FHIP1A: variants seen among roughly 807,000 people sequenced by gnomAD.
FHIP1A encodes FHF complex subunit HOOK-interacting protein 1A.
FHIP1A carries 61 observed loss-of-function variants against 88.6 expected under a neutral mutation model. That is an observed-to-expected ratio of 0.69 (90% CI 0.56 to 0.85). FHIP1A has a LOEUF of 0.85. FHIP1A is among the 40% of genes least tolerant of loss of function. The probability of loss-of-function intolerance (pLI) is 0.00; values close to 1 mark genes in which losing one functional copy is unlikely to be tolerated. For synonymous variants in FHIP1A, 478 were observed against 496.0 expected (o/e 0.96, Z 0.48); for missense variants, 1,154 against 1,273.5 (o/e 0.91, Z 1.43).
chr4:151,587,655 A>G (rs1412233134), intron 6 of FHIP1A, among the ~76,000 whole-genome samples: 1 of 151,982 alleles, frequency 6.6e-6, no homozygotes, highest in Non-Finnish European at 1.5e-5. Flanking sequence ...CTCCTAAGAA[A>G]TCAAGTTTTC....
intron 3 of FHIP1A, among the ~76,000 whole-genome samples, chr4:151,485,842 G>A (rs987936152): frequency 1.3e-5 from 2 of 152,112 alleles, no homozygotes; most frequent in Non-Finnish European, 2.9e-5. Flanking sequence ...GCCCGCCTTA[G>A]CCTCCCAAAG....
rs186930965 is a variant in FHIP1A at position 151,471,299 on chromosome 4, T to A, written c.-247-11225T>A. Among the ~76,000 whole-genome samples, 53 of 140,968 alleles carry A rather than the reference T, an allele frequency of 3.8e-4. No individual in the cohort carries two copies. In the East Asian group the frequency reaches 6.7e-3, roughly 18 times the overall value. 92.5% of individuals were successfully genotyped at this position (140,968 alleles called of 152,430 possible). A position where few individuals can be genotyped will look rare whatever the true frequency, so the allele number is the denominator to read the frequency against. ...TGGAATTGTTCCTTTTTTTTTTTTTTAAACTTTAGCGTATTTTTTCCAATA... is the reference window on the plus strand; with the variant it reads ...TGGAATTGTTCCTTTTTTTTTTTTTAAAACTTTAGCGTATTTTTTCCAATA... On this transcript the variant is annotated intron_variant, in intron 2 of 13. Coordinates refer to ENST00000435205, the MANE Select transcript of FHIP1A (RefSeq NM_001109977.3).
chr4:151,432,956 C>A (rs1733650491), intron 1 of FHIP1A, among the ~76,000 whole-genome samples: 1 of 151,990 alleles, frequency 6.6e-6, no homozygotes, highest in Non-Finnish European at 1.5e-5. Context: ...TAAACCTGGT[C>A]TTTTAACATG....
chr4:151,576,851 T>C (rs928644911), intron 4 of FHIP1A: 1 of 152,330 alleles, frequency 6.6e-6, no homozygotes, highest in African/African-American at 2.4e-5. Context: ...GGCATATGAG[T>C]AGCTGTGTTC....
chr4:151,521,950 T>C (rs1731461921), intron 3 of FHIP1A, among the ~76,000 whole-genome samples: 2 of 152,066 alleles, frequency 1.3e-5, no homozygotes. Context: ...GGTCTCAAAC[T>C]CCTAGGCTCA....
intron 8 of FHIP1A, among the ~76,000 whole-genome samples, chr4:151,637,599 G>A (rs1736401737): frequency 1.3e-5 from 2 of 152,156 alleles, no homozygotes; most frequent in South Asian, 4.1e-4. Context: ...GCTGGGGAAA[G>A]GAAGTGTTGG....
intron 1 of FHIP1A, among the ~76,000 whole-genome samples, chr4:151,427,307 TTTC>T (rs1056112519): frequency 1.5e-4 from 23 of 152,296 alleles, no homozygotes; most frequent in African/African-American, 5.1e-4. Context: ...ATTGAGTTTG[TTTC>T]TTTCCAAATC....
Position 151,663,043 on chromosome 4 carries a change from T to A in FHIP1A, c.*289T>A, listed in dbSNP as rs1737532712. The A allele has an allele frequency of 3.7e-6, 1 of 271,516 alleles. No individual in the cohort carries two copies. Among genetic ancestry groups the A allele is most frequent in the Non-Finnish European group, 6.8e-6 (1 of 146,236 alleles). 16.8% of individuals were successfully genotyped at this position (271,516 alleles called of 1,614,324 possible). The stretch of plus-strand genomic sequence containing the variant: ...TTTGGTTGTCATTCTCCTATCCCTT[T>A]GAGTTACTCTTCTTGCAGCTCAGAT... On this transcript the variant is annotated 3_prime_UTR_variant, in exon 14 of 14. Transcript: ENST00000435205.
intron 7 of FHIP1A, among the ~76,000 whole-genome samples, chr4:151,627,592 A>G (rs1736000312): frequency 6.6e-6 from 1 of 152,240 alleles, no homozygotes; most frequent in African/African-American, 2.4e-5. Context: ...TTGGGGAATT[A>G]GATTTTTGCC....
chr4:151,526,080 T>C (rs1376712387), intron 3 of FHIP1A, among the ~76,000 whole-genome samples: 1 of 152,126 alleles, frequency 6.6e-6, no homozygotes, highest in East Asian at 1.9e-4. Flanking sequence ...GGGGGTAAGG[T>C]CACAGTTCAA....
At chr4:151,414,338 C>G (rs903298391) in intron 1 of FHIP1A, among the ~76,000 whole-genome samples, 1 of 152,216 alleles carries the variant, frequency 6.6e-6, no homozygotes, top group Non-Finnish European at 1.5e-5. Flanking sequence ...CAGGCTTGAG[C>G]CACCGCGTCT....
chr4:151,442,458 C>T (rs1050270963), intron 1 of FHIP1A, among the ~76,000 whole-genome samples: 1 of 152,154 alleles, frequency 6.6e-6, no homozygotes, highest in Non-Finnish European at 1.5e-5. Flanking sequence ...AGTCAAGAAT[C>T]ATGGTCATTG....
intron 2 of FHIP1A, among the ~76,000 whole-genome samples, chr4:151,466,353 C>T (rs1416244418): frequency 2.0e-5 from 3 of 152,260 alleles, no homozygotes; most frequent in South Asian, 4.1e-4. Flanking sequence ...AATGGAAAAA[C>T]GTTCCATGCT....
intron 3 of FHIP1A, among the ~76,000 whole-genome samples, chr4:151,507,011 A>G (rs1730858955): frequency 1.3e-5 from 2 of 152,212 alleles, no homozygotes; most frequent in African/African-American, 4.8e-5. Flanking sequence ...GACTTCCATA[A>G]TCTTGAACAC....
Position 151,509,473 on chromosome 4 carries a change from T to C in FHIP1A, c.-123+26825T>C, listed in dbSNP as rs544397892. 1.4e-3 allele frequency among the ~76,000 whole-genome samples: 219 copies of C among 152,292 alleles called. 1 individual carries two copies. The highest frequency in any genetic ancestry group is 4.7e-3 in the African/African-American group (196 of 41,566). On this transcript the variant is annotated intron_variant, in intron 3 of 13. Transcript: ENST00000435205. ...AGCCACCTTGCCTGGCCAAGTTCTT[T>C]ACCTTCCTGGGGTAGTGAGCCAGGG...
chr4:151,435,350 A>G (rs1281146801), intron 1 of FHIP1A, among the ~76,000 whole-genome samples: 1 of 152,172 alleles, frequency 6.6e-6, no homozygotes, highest in Admixed American at 6.6e-5. Context: ...CTCCCACCTG[A>G]GTGAGAACAT....
chr4:151,468,504 C>CT (rs1729405259), intron 2 of FHIP1A, among the ~76,000 whole-genome samples: 1 of 152,092 alleles, frequency 6.6e-6, no homozygotes, highest in Admixed American at 6.5e-5. Context: ...TATTAGCATT[C>CT]TTCTTGCTTT....
At chr4:151,417,476 T>C (rs1732939885) in intron 1 of FHIP1A, among the ~76,000 whole-genome samples, 1 of 152,238 alleles carries the variant, frequency 6.6e-6, no homozygotes, top group Admixed American at 6.5e-5. Flanking sequence ...AAGACTTGGC[T>C]TGTGACCAGC....
At chr4:151,433,414 G>A (rs1349416140) in intron 1 of FHIP1A, among the ~76,000 whole-genome samples, 2 of 151,756 alleles carry the variant, frequency 1.3e-5, no homozygotes, top group African/African-American at 4.8e-5. Flanking sequence ...TGTGACTCCA[G>A]GAATGTAAGC....
Sources: allele counts gnomAD v4.1 joint callset (sites outside exome capture counted in the v4.1 genomes callset), GRCh38; gene constraint gnomAD v4.1.1; transcripts MANE v1.5; gene names NCBI Gene and HGNC (gene_info 2026-07-23, HGNC 2026-07-21).